The following SCMH1 variants were observed in gnomAD, a reference collection of about 807,000 sequenced individuals.
SCMH1 encodes Scm polycomb group protein homolog 1.
In SCMH1, 37 loss-of-function variants were observed where a neutral mutation model predicts 70.8. That is an observed-to-expected ratio of 0.52 (90% CI 0.40 to 0.69). SCMH1 has a LOEUF of 0.69. Among genes scored for constraint, SCMH1 ranks in the 30% least tolerant of loss-of-function variants. The probability of loss-of-function intolerance (pLI) is 0.00; values close to 1 mark genes in which losing one functional copy is unlikely to be tolerated. For synonymous variants in SCMH1, 292 were observed against 307.4 expected, an observed-to-expected ratio of 0.95 and a Z score of 0.52; for missense variants, 607 against 827.3, an observed-to-expected ratio of 0.73 and a Z score of 3.27.
At chr1:41,069,776 C>A (rs989980513) in intron 10 of SCMH1, among the ~76,000 whole-genome samples, 1 of 152,174 alleles carries the variant, frequency 6.6e-6, no homozygotes, top group African/African-American at 2.4e-5. Context: ...AAGACTATTA[C>A]AGCCTGACCA....
At chr1:41,078,146 C>G (rs2148924936) in intron 8 of SCMH1, among the ~76,000 whole-genome samples, 1 of 151,806 alleles carries the variant, frequency 6.6e-6, no homozygotes, top group South Asian at 2.1e-4. Context: ...CAGACAAGAG[C>G]CAATAGAAAG....
Position 41,028,521 on chromosome 1 carries a change from T to C in SCMH1, c.1821+63A>G. The C allele has an allele frequency of 3.1e-6, 5 of 1,598,902 alleles. No individual in the cohort carries two copies. The South Asian group carries it at 4.5e-5, about 14-fold the overall frequency. The stretch of plus-strand genomic sequence containing the variant: ...TCCCTCCTCCCCAAACATCTCGTAT[T>C]GTCCCCACCAGGTGAGGCTCTCCAC... On this transcript the variant is annotated intron_variant, in intron 14 of 14. Transcript: ENST00000337495.
chr1:41,241,250 C>T (rs1008649768), intron 1 of SCMH1, among the ~76,000 whole-genome samples: 1 of 152,222 alleles, frequency 6.6e-6, no homozygotes, highest in African/African-American at 2.4e-5. Context: ...CTTTTAAATT[C>T]TCTTCCAGTC....
intron 10 of SCMH1, among the ~76,000 whole-genome samples, chr1:41,062,330 A>G (rs1652960769): frequency 6.6e-6 from 1 of 151,672 alleles, no homozygotes; most frequent in Non-Finnish European, 1.5e-5. Context: ...ATGGCCAAGC[A>G]TGGTGGCTCA....
intron 6 of SCMH1, among the ~76,000 whole-genome samples, chr1:41,134,405 T>C (rs1642925698): frequency 6.6e-6 from 1 of 152,212 alleles, no homozygotes; most frequent in African/African-American, 2.4e-5. Context: ...ACCACTCCTA[T>C]TCAACGTAGT....
intron 8 of SCMH1, among the ~76,000 whole-genome samples, chr1:41,094,561 TCC>T (rs1664554316): frequency 6.6e-6 from 1 of 151,990 alleles, no homozygotes; most frequent in African/African-American, 2.4e-5. Context: ...AATTTCTTTC[TCC>T]CTCTTAGTGG....
intron 2 of SCMH1, 143 bp from the exon 3 acceptor site, chr1:41,161,575 A>C (rs1646036079): frequency 1.1e-6 from 1 of 930,516 alleles, no homozygotes; most frequent in South Asian, 2.7e-5. Context: ...CCAAAATACA[A>C]GAAAAAGGTT....
exon 6 of SCMH1, chr1:41,143,083 C>T (rs760266891): frequency 6.8e-6 from 11 of 1,613,936 alleles, no homozygotes; most frequent in Non-Finnish European, 7.6e-6. Flanking sequence ...TCATACTGAT[C>T]TTGAACTCGT....
chr1:41,231,976 T>A (rs781285903), intron 1 of SCMH1, among the ~76,000 whole-genome samples: 4 of 147,562 alleles, frequency 2.7e-5, no homozygotes, highest in African/African-American at 1.0e-4. Flanking sequence ...CGAGCCAAGA[T>A]CTCACACACC....
intron 13 of SCMH1, 74 bp from the exon 15 acceptor site, chr1:41,028,800 T>A (rs1644100125): frequency 6.5e-7 from 1 of 1,529,782 alleles, no homozygotes. Context: ...CCTTGGCACA[T>A]CTCAGTGGCC....
chr1:41,191,220 C>A (rs1165562304), intron 1 of SCMH1, among the ~76,000 whole-genome samples: 1 of 152,216 alleles, frequency 6.6e-6, no homozygotes, highest in Non-Finnish European at 1.5e-5. Context: ...CAAGGCCCAG[C>A]TCAATTATTT....
At chr1:41,152,330 G>A (rs1464208581) in intron 4 of SCMH1, among the ~76,000 whole-genome samples, 1 of 152,202 alleles carries the variant, frequency 6.6e-6, no homozygotes, top group African/African-American at 2.4e-5. Context: ...TTAGAGCAAA[G>A]TAGGACCTGG....
intron 9 of SCMH1, among the ~76,000 whole-genome samples, chr1:41,071,640 G>T (rs1656544517): frequency 6.7e-6 from 1 of 150,312 alleles, no homozygotes; most frequent in African/African-American, 2.5e-5. Context: ...AAGATCTCAG[G>T]TGTTTTTCTA....
rs1654459846 is a variant in SCMH1 at position 41,065,973 on chromosome 1, T to C, written c.1105+4622A>G. On this transcript the variant is annotated intron_variant, in intron 10 of 14. Transcript: ENST00000337495. ...CACATCCCAGTTTCAGTCCTGGTGG[T>C]ACTAGCTTCAAAGAACTGGCAGGTG... 2.6e-5 allele frequency among the ~76,000 whole-genome samples: 4 copies of C among 152,298 alleles called. 1 individual carries two copies. In the South Asian group the frequency reaches 8.3e-4, roughly 32 times the overall value.
At chr1:41,080,317 A>G (rs1227103483) in intron 8 of SCMH1, among the ~76,000 whole-genome samples, 1 of 152,180 alleles carries the variant, frequency 6.6e-6, no homozygotes, top group Admixed American at 6.5e-5. Context: ...AGAAATAATA[A>G]CAAATCTTGC....
chr1:41,216,555 C>T (rs1018796537), intron 1 of SCMH1, among the ~76,000 whole-genome samples: 3 of 152,282 alleles, frequency 2.0e-5, no homozygotes, highest in African/African-American at 7.2e-5. Flanking sequence ...GCCTCCATCC[C>T]TGCAAAGGTT....
At chr1:41,126,334 A>G (rs893500341) in intron 6 of SCMH1, among the ~76,000 whole-genome samples, 1 of 152,136 alleles carries the variant, frequency 6.6e-6, no homozygotes, top group African/African-American at 2.4e-5. Flanking sequence ...CATTTGATTC[A>G]GTTTTGTTTG....
chr1:41,221,339 C>T (rs574456379), intron 1 of SCMH1, among the ~76,000 whole-genome samples: 1 of 152,060 alleles, frequency 6.6e-6, no homozygotes, highest in South Asian at 2.1e-4. Flanking sequence ...GTGATGGTTG[C>T]ATAACAATGT....
At chr1:41,081,819 T>TAAAAA (rs34212860) in intron 8 of SCMH1, among the ~76,000 whole-genome samples, 2 of 148,312 alleles carry the variant, frequency 1.3e-5, no homozygotes, top group South Asian at 4.3e-4. Flanking sequence ...GACTCTGTCT[T>TAAAAA]AAAAAAAAAA....
Sources: gnomAD v4.1 joint callset for allele counts (sites outside exome capture counted in the v4.1 genomes callset) on GRCh38, gnomAD v4.1.1 for gene constraint, MANE v1.5 for transcripts, NCBI Gene and HGNC (gene_info 2026-07-23, HGNC 2026-07-21) for gene names.